The following NMBR variants were observed in gnomAD, a reference collection of about 807,000 sequenced individuals.
NMBR encodes the protein neuromedin B receptor.
A neutral mutation model predicts 20.5 loss-of-function variants in NMBR; 16 were observed. That is an observed-to-expected ratio of 0.78 (90% CI 0.53 to 1.19). NMBR has a LOEUF of 1.19. NMBR is among the 50% of genes most tolerant of loss of function. The pLI is 0.00. For synonymous variants in NMBR, 212 were observed against 196.6 expected (o/e 1.08, Z -0.65); for missense variants, 582 against 499.1 (o/e 1.17, Z -1.58).
chr6:142,137,430 G>A (rs1037279842), intron 1 of NMBR, among the ~76,000 whole-genome samples: 1 of 152,212 alleles, frequency 6.6e-6, no homozygotes, highest in African/African-American at 2.4e-5. Context: ...ATACAGTCAT[G>A]TAATCTGCAA....
At chr6:142,079,143 A>AAAG (rs1777039275) in intron 2 of NMBR, among the ~76,000 whole-genome samples, 2 of 109,470 alleles carry the variant, frequency 1.8e-5, no homozygotes, top group African/African-American at 8.0e-5. Flanking sequence ...GAAAGAAAGA[A>AAAG]AAAGAAGAGA....
intron 1 of NMBR, among the ~76,000 whole-genome samples, chr6:142,135,404 T>G (rs201236091): frequency 6.6e-6 from 1 of 152,126 alleles, no homozygotes; most frequent in African/African-American, 2.4e-5. Context: ...TGGAAATTAA[T>G]TATTAAAGAG....
intron 1 of NMBR, among the ~76,000 whole-genome samples, chr6:142,112,612 T>G (rs111789611): frequency 6.6e-6 from 1 of 152,306 alleles, no homozygotes; most frequent in African/African-American, 2.4e-5. Context: ...GGCAATAGGA[T>G]TTGACAATTC....
Position 142,074,917 on chromosome 6 carries a change from CATA to C in NMBR, c.*728_*730del, listed in dbSNP as rs1365527687. On this transcript the variant is annotated 3_prime_UTR_variant, in exon 4 of 4. Coordinates refer to ENST00000258042, the MANE Select transcript of NMBR (RefSeq NM_002511.4). ...TTCATATCATATCTATTTTATAATT[CATA>C]ATATTAATTTCATTATATCTGTTAA... Among the ~76,000 whole-genome samples, 2 of 151,662 alleles carry C rather than the reference CATA, an allele frequency of 1.3e-5. No individual in the cohort carries two copies. Among genetic ancestry groups the C allele is most frequent in the African/African-American group, 2.4e-5 (1 of 41,284 alleles).
intron 1 of NMBR, among the ~76,000 whole-genome samples, chr6:142,102,171 G>A (rs532466520): frequency 3.3e-5 from 5 of 151,912 alleles, no homozygotes; most frequent in Non-Finnish European, 5.9e-5. Context: ...GGCGGATCAC[G>A]AGGTCAGAAG....
At chr6:142,146,734 T>C (rs1485134661) in intron 1 of NMBR, among the ~76,000 whole-genome samples, 1 of 152,244 alleles carries the variant, frequency 6.6e-6, no homozygotes, top group Non-Finnish European at 1.5e-5. Flanking sequence ...ATCTGATTAT[T>C]TTATCCAGTA....
intron 1 of NMBR, among the ~76,000 whole-genome samples, chr6:142,140,499 G>A (rs557533933): frequency 6.6e-6 from 1 of 151,928 alleles, no homozygotes; most frequent in African/African-American, 2.4e-5. Context: ...GGAAAAAAGA[G>A]AACAAAAGCA....
chr6:142,080,770 T>C (rs1259506384), intron 2 of NMBR, among the ~76,000 whole-genome samples: 1 of 152,210 alleles, frequency 6.6e-6, no homozygotes, highest in Non-Finnish European at 1.5e-5. Flanking sequence ...GACTGTAATT[T>C]TTTTTCTGTG....
intron 1 of NMBR, among the ~76,000 whole-genome samples, chr6:142,114,602 T>G (rs1777819776): frequency 6.6e-6 from 1 of 152,086 alleles, no homozygotes; most frequent in Non-Finnish European, 1.5e-5. Flanking sequence ...CCATTAACAT[T>G]TACATGACGT....
At position 142,088,868 on chromosome 6, in the gene NMBR, G is replaced by C. The variant is rs1326020090; in HGVS notation, c.-210C>G. ...CACTCGGGCGCTCCGCTTCTAGAGG[G>C]GGGAAATGGCTCCGGCTAACTCTGA... On this transcript the variant is annotated 5_prime_UTR_variant, in exon 2 of 4. Coordinates refer to ENST00000258042, the MANE Select transcript of NMBR (RefSeq NM_002511.4). 3 of 498,402 alleles carry C rather than the reference G, an allele frequency of 6.0e-6. No individual in the cohort carries two copies. Among genetic ancestry groups the C allele is most frequent in the Admixed American group, 3.3e-5 (1 of 29,950 alleles). The allele number at this position is 498,402 out of a possible 1,614,324, so 30.9% of individuals were successfully genotyped here.
intron 2 of NMBR, among the ~76,000 whole-genome samples, chr6:142,085,960 T>C (rs1174061003): frequency 2.0e-5 from 3 of 152,136 alleles, no homozygotes; most frequent in Non-Finnish European, 2.9e-5. Context: ...TCTTTTATTT[T>C]GCAGTTACAT....
At chr6:142,134,860 T>A (rs1157014010) in intron 1 of NMBR, 1 of 637,898 alleles carries the variant, frequency 1.6e-6, no homozygotes, top group Non-Finnish European at 2.8e-6. Flanking sequence ...TACAATTTTA[T>A]TATTTGTTGC....
In NMBR at chr6:142,088,242, G is replaced by C; in HGVS notation, c.417C>G (p.Ala139=). ...VSVFTLTALS[A]DRYRAIVNPM... is the part of the protein sequence containing the mutation. ...ACAGCTACCTGTGCTCTTACCTGTC[G>C]GCGCTGAGGGCAGTGAGAGTGAACA... The change falls in exon 2 of 4, where the codon GCC becomes GCG. Residue 139 remains alanine (A), a synonymous_variant. Transcript: ENST00000258042. 1.2e-6 allele frequency: 2 copies of C among 1,610,176 alleles called. No individual in the cohort carries two copies. The highest frequency in any genetic ancestry group is 1.1e-5 in the South Asian group (1 of 91,024).
intron 1 of NMBR, among the ~76,000 whole-genome samples, chr6:142,122,371 T>G (rs225593): frequency 0.34 from 51,367 of 151,538 alleles, 10,274 homozygotes; most frequent in Middle Eastern, 0.52. Context: ...AAATATACCT[T>G]GTAATGCAAG....
rs1430417013 is a variant in NMBR, at chr6:142,075,072, G to A, written c.*576C>T. Among the ~76,000 whole-genome samples the A allele has an allele frequency of 6.9e-6, 1 of 145,152 alleles. No homozygotes were observed. Among genetic ancestry groups the A allele is most frequent in the African/African-American group, 2.6e-5 (1 of 38,338 alleles). On this transcript the variant is annotated 3_prime_UTR_variant, in exon 4 of 4. Transcript: ENST00000258042. The stretch of plus-strand genomic sequence containing the variant: ...TTCTTATTTTCTTAAAATGAAGGAC[G>A]TGTGTGTGTGTACATATATACATAT...
At chr6:142,133,857 C>T (rs1331190879) in intron 1 of NMBR, 1 of 688,448 alleles carries the variant, frequency 1.5e-6, no homozygotes, top group South Asian at 1.5e-5. Flanking sequence ...CAGGTTAAAC[C>T]TCCAACTGTG....
intron 1 of NMBR, among the ~76,000 whole-genome samples, chr6:142,115,150 C>G (rs958442647): frequency 6.6e-6 from 1 of 152,016 alleles, no homozygotes; most frequent in Non-Finnish European, 1.5e-5. Flanking sequence ...GTCAAGTGAC[C>G]TCATATTAGC....
intron 1 of NMBR, chr6:142,134,444 CTG>C: frequency 4.4e-6 from 2 of 449,510 alleles, no homozygotes; most frequent in Non-Finnish European, 7.8e-6. Flanking sequence ...AAATTAGACT[CTG>C]TTGAGAGTTA....
chr6:142,144,828 T>C (rs1487033678), intron 1 of NMBR, among the ~76,000 whole-genome samples: 1 of 151,840 alleles, frequency 6.6e-6, no homozygotes, highest in Admixed American at 6.6e-5. Flanking sequence ...GGCAGGAGTA[T>C]CACTTGAGAC....
Sources: gnomAD v4.1 joint callset for allele counts (sites outside exome capture counted in the v4.1 genomes callset) on GRCh38, gnomAD v4.1.1 for gene constraint, MANE v1.5 for transcripts, NCBI Gene and HGNC (gene_info 2026-07-23, HGNC 2026-07-21) for gene names.